The following ARHGAP6 variants were observed in gnomAD, a reference collection of about 807,000 sequenced individuals.
ARHGAP6 encodes Rho GTPase activating protein 6.
ARHGAP6 carries 16 observed loss-of-function variants against 55.7 expected under a neutral mutation model. The ratio of observed to expected loss-of-function variants is 0.29; its 90% CI spans 0.19 to 0.44. The LOEUF is 0.44. ARHGAP6 is among the 20% of genes least tolerant of loss of function. The pLI, the probability that ARHGAP6 is intolerant of heterozygous loss-of-function variation, is 1.00. For missense variants in ARHGAP6, 698 were observed against 808.9 expected (o/e 0.86, Z 1.66); for synonymous variants, 382 against 360.9 (o/e 1.06, Z -0.66).
intron 1 of ARHGAP6, among the ~76,000 whole-genome samples, chrX:11,255,364 G>A (rs1459885906): frequency 1.8e-5 from 2 of 108,348 alleles, no homozygotes; most frequent in Non-Finnish European, 3.8e-5. Context: ...CTTATGAAGT[G>A]GTTAACATTT....
chrX:11,140,294 T>G (rs1569227366), intron 12 of ARHGAP6, among the ~76,000 whole-genome samples: 1 of 108,405 alleles, frequency 9.2e-6, no homozygotes, highest in Non-Finnish European at 1.9e-5. Context: ...GGTGGGTGCC[T>G]GTAGTCCCAG....
At chrX:11,648,230 A>G (rs1450677693) in intron 1 of ARHGAP6, among the ~76,000 whole-genome samples, 1 of 111,895 alleles carries the variant, frequency 8.9e-6, no homozygotes, top group Admixed American at 9.5e-5. Context: ...ATCATTATAC[A>G]ATGTATACAT....
At chrX:11,273,319 G>A (rs766213910) in intron 1 of ARHGAP6, among the ~76,000 whole-genome samples, 23 of 109,762 alleles carry the variant, frequency 2.1e-4, no homozygotes, top group Non-Finnish European at 4.0e-4. Flanking sequence ...TTATTTTAAT[G>A]AGTCATTTTT....
At chrX:11,201,137 T>A (rs2046613734) in intron 2 of ARHGAP6, among the ~76,000 whole-genome samples, 1 of 112,206 alleles carries the variant, frequency 8.9e-6, no homozygotes, top group African/African-American at 3.2e-5. Context: ...AAAGACCTCA[T>A]CATTTTTGCA....
intron 1 of ARHGAP6, among the ~76,000 whole-genome samples, chrX:11,263,216 G>T (rs763766146): frequency 1.8e-5 from 2 of 109,908 alleles, no homozygotes; most frequent in South Asian, 8.0e-4. Flanking sequence ...TTTTTAAAAG[G>T]GCATGGCACT....
intron 1 of ARHGAP6, among the ~76,000 whole-genome samples, chrX:11,566,092 T>C (rs778614528): frequency 2.7e-5 from 3 of 111,969 alleles, no homozygotes; most frequent in South Asian, 7.5e-4. Context: ...ACGATAGAGA[T>C]TGTGTGTAAA....
At chrX:11,237,779 G>A (rs1347737290) in intron 2 of ARHGAP6, among the ~76,000 whole-genome samples, 1 of 112,126 alleles carries the variant, frequency 8.9e-6, no homozygotes, top group Non-Finnish European at 1.9e-5. Context: ...AAAAGTGAGG[G>A]GAAAATGATT....
intron 2 of ARHGAP6, among the ~76,000 whole-genome samples, chrX:11,207,938 G>C (rs2046730921): frequency 1.8e-5 from 2 of 111,301 alleles, no homozygotes; most frequent in South Asian, 7.6e-4. Context: ...CCCATGTTAG[G>C]AATTAGCATG....
chrX:11,630,515 T>C (rs1038487518), intron 1 of ARHGAP6, among the ~76,000 whole-genome samples: 4 of 112,162 alleles, frequency 3.6e-5, no homozygotes, highest in African/African-American at 9.7e-5. Flanking sequence ...GTGGGGACCA[T>C]GTCTCTTCTG....
chrX:11,446,144 T>C (rs1000693471), intron 1 of ARHGAP6, among the ~76,000 whole-genome samples: 1 of 112,402 alleles, frequency 8.9e-6, no homozygotes, highest in African/African-American at 3.2e-5. Context: ...TTATTGTTAA[T>C]GATTTGTTTG....
intron 1 of ARHGAP6, among the ~76,000 whole-genome samples, chrX:11,469,283 T>G (rs1038452514): frequency 8.9e-6 from 1 of 112,822 alleles, no homozygotes; most frequent in African/African-American, 3.2e-5. Context: ...TGTGATGATG[T>G]TATTAAAAAT....
chrX:11,519,606 C>A (rs2050890833), intron 1 of ARHGAP6, among the ~76,000 whole-genome samples: 1 of 110,387 alleles, frequency 9.1e-6, no homozygotes, highest in Admixed American at 9.7e-5. Context: ...GCTACAGTAA[C>A]CAAAACAGCA....
intron 1 of ARHGAP6, among the ~76,000 whole-genome samples, chrX:11,615,234 C>T (rs1362378136): frequency 1.8e-5 from 2 of 111,706 alleles, no homozygotes; most frequent in Non-Finnish European, 3.8e-5. Context: ...TTCCTGTAAA[C>T]GTCATTTTGC....
chrX:11,430,881 T>C (rs369570941), intron 1 of ARHGAP6, among the ~76,000 whole-genome samples: 19 of 112,178 alleles, frequency 1.7e-4, no homozygotes, highest in African/African-American at 6.2e-4. Context: ...TAATTCACCA[T>C]CATCCACCCC....
intron 1 of ARHGAP6, among the ~76,000 whole-genome samples, chrX:11,588,619 G>A (rs1372142799): frequency 8.9e-6 from 1 of 112,208 alleles, no homozygotes; most frequent in Non-Finnish European, 1.9e-5. Flanking sequence ...ATGCTACAAC[G>A]TGAATGAATC....
At chrX:11,534,688 T>C (rs980425819) in intron 1 of ARHGAP6, among the ~76,000 whole-genome samples, 1 of 111,433 alleles carries the variant, frequency 9.0e-6, no homozygotes, top group African/African-American at 3.3e-5. Flanking sequence ...ATGTAATTTA[T>C]AACTTTCTAG....
Position 11,143,154 on chromosome X carries a change from G to A in ARHGAP6, c.2176+826C>T, listed in dbSNP as rs775433303. 22 of 111,790 alleles carry A rather than the reference G, an allele frequency of 2.0e-4. No homozygotes were observed. In the Admixed American group the frequency reaches 2.0e-3, roughly 10 times the overall value. The allele number at this position is 111,790 out of a possible 1,213,427, so 9.2% of individuals were successfully genotyped here. ...AATCCCATGATGGGATTATAATTACGATTTATAGCAGCAGACGTCTACTGG... is the reference window on the plus strand; with the variant it reads ...AATCCCATGATGGGATTATAATTACAATTTATAGCAGCAGACGTCTACTGG... On this transcript the variant is annotated intron_variant, in intron 11 of 12. Coordinates refer to ENST00000337414, the MANE Select transcript of ARHGAP6 (RefSeq NM_013427.3).
intron 1 of ARHGAP6, among the ~76,000 whole-genome samples, chrX:11,491,881 T>C (rs915541685): frequency 1.8e-5 from 2 of 108,236 alleles, no homozygotes; most frequent in African/African-American, 6.9e-5. Flanking sequence ...ACCTGTTGTT[T>C]CCTGATTTTT....
intron 1 of ARHGAP6, among the ~76,000 whole-genome samples, chrX:11,365,966 G>T (rs1397522598): frequency 8.9e-6 from 1 of 112,250 alleles, no homozygotes; most frequent in Non-Finnish European, 1.9e-5. Context: ...CTGGCTTGCA[G>T]ACAGCCACCT....
Sources: gnomAD v4.1 joint callset for allele counts (sites outside exome capture counted in the v4.1 genomes callset) on GRCh38, gnomAD v4.1.1 for gene constraint, MANE v1.5 for transcripts, NCBI Gene and HGNC (gene_info 2026-07-23, HGNC 2026-07-21) for gene names.